The following PSD3 variants were observed in gnomAD, a reference collection of about 807,000 sequenced individuals.
PSD3 encodes pleckstrin and Sec7 domain containing 3.
PSD3 carries 49 observed loss-of-function variants against 105.5 expected under a neutral mutation model. The observed-to-expected ratio is 0.46, with a 90% CI of 0.37 to 0.59. PSD3 has a LOEUF of 0.59. Ranked by LOEUF, PSD3 falls within the 20% of genes least tolerant of loss-of-function variation. The probability of loss-of-function intolerance (pLI) is 0.00; values close to 1 mark genes in which losing one functional copy is unlikely to be tolerated. For missense variants in PSD3, 1,561 were observed against 1,263.8 expected (o/e 1.24, Z -3.57); for synonymous variants, 557 against 457.8 (o/e 1.22, Z -2.77).
chr8:18,629,043 A>G (rs1420836207), intron 11 of PSD3, among the ~76,000 whole-genome samples: 1 of 151,948 alleles, frequency 6.6e-6, no homozygotes, highest in Non-Finnish European at 1.5e-5. Context: ...TATTCCATAT[A>G]ATAGAAAGCA....
intron 14 of PSD3, among the ~76,000 whole-genome samples, chr8:18,559,127 G>A (rs937852421): frequency 1.3e-5 from 2 of 152,128 alleles, no homozygotes; most frequent in Non-Finnish European, 2.9e-5. Flanking sequence ...CTGAGCAAGA[G>A]TTTTTCTATA....
At chr8:18,815,551 T>C (rs574722653) in intron 4 of PSD3, among the ~76,000 whole-genome samples, 60 of 152,234 alleles carry the variant, frequency 3.9e-4, no homozygotes, top group African/African-American at 1.4e-3. Flanking sequence ...CCTCAAGTGA[T>C]CTCTCCACCT....
At chr8:18,681,898 T>A (rs185217422) in intron 9 of PSD3, among the ~76,000 whole-genome samples, 1 of 152,122 alleles carries the variant, frequency 6.6e-6, no homozygotes, top group Admixed American at 6.5e-5. Context: ...ACTAATCATC[T>A]CTTAAAAACC....
At position 18,687,784 on chromosome 8, in the gene PSD3, T is replaced by A. The variant is rs118010425; in HGVS notation, c.2173-32099A>T. Among the ~76,000 whole-genome samples, 249 of 152,234 alleles carry A rather than the reference T, an allele frequency of 1.6e-3. 4 individuals are homozygous for A. In the East Asian group the frequency reaches 0.044, roughly 27 times the overall value. ...GATATATATTTTTGCTATTTTTTTT[T>A]AAGATGGAGTCTTGCTCCATCGCCC... On this transcript the variant is annotated intron_variant, in intron 9 of 15. Coordinates refer to ENST00000327040, the MANE Select transcript of PSD3 (RefSeq NM_015310.4).
intron 2 of PSD3, among the ~76,000 whole-genome samples, chr8:18,908,714 C>G (rs184642425): frequency 3.3e-5 from 5 of 152,312 alleles, no homozygotes; most frequent in African/African-American, 1.2e-4. Context: ...GTATCATCTT[C>G]TATTTAATGG....
intron 12 of PSD3, among the ~76,000 whole-genome samples, chr8:18,591,050 T>G (rs1249207974): frequency 6.6e-6 from 1 of 152,022 alleles, no homozygotes; most frequent in Non-Finnish European, 1.5e-5. Context: ...ATAAAAATAT[T>G]GAGTAATCAA....
At chr8:19,084,355 C>G in exon 1 of PSD3, 1 of 456,280 alleles carries the variant, frequency 2.2e-6, no homozygotes, top group South Asian at 1.5e-5. Context: ...GTCTCGGCGC[C>G]TCTCCTCAGC....
At chr8:19,068,238 T>TA (rs35079791) in intron 1 of PSD3, among the ~76,000 whole-genome samples, 47,360 of 150,040 alleles carry the variant, frequency 0.32, 8,961 homozygotes, top group South Asian at 0.48. Context: ...CTGAGGATTT[T>TA]AAAAAAAAAT....
rs564034185 is a variant in PSD3 at position 18,529,840 on chromosome 8, T to G, written c.*5903A>C. The G allele has an allele frequency of 6.5e-6, 1 of 152,696 alleles. No individual in the cohort carries two copies. Among genetic ancestry groups the G allele is most frequent in the East Asian group, 1.9e-4 (1 of 5,182 alleles). The allele number at this position is 152,696 out of a possible 1,614,324, so 9.5% of individuals were successfully genotyped here. A position where few individuals can be genotyped will look rare whatever the true frequency, so the allele number is the denominator to read the frequency against. ...TGAATCAAATGGCTGTTTCTGCAGA[T>G]CACAATAATTCTTAGAAGGAAATAC... On this transcript the variant is annotated 3_prime_UTR_variant, in exon 16 of 16. Transcript: ENST00000327040.
chr8:18,750,286 T>C (rs1007747548), intron 9 of PSD3, among the ~76,000 whole-genome samples: 16 of 152,158 alleles, frequency 1.1e-4, no homozygotes, highest in Admixed American at 9.2e-4. Flanking sequence ...AGTTTGTTCC[T>C]TCTGATGTTC....
At chr8:18,665,996 C>G (rs1016430109) in intron 9 of PSD3, among the ~76,000 whole-genome samples, 1 of 152,232 alleles carries the variant, frequency 6.6e-6, no homozygotes, top group East Asian at 1.9e-4. Context: ...ATAAGCAAAA[C>G]GATGACAACT....
chr8:18,801,716 G>C (rs1810707205), intron 6 of PSD3, among the ~76,000 whole-genome samples: 1 of 152,096 alleles, frequency 6.6e-6, no homozygotes, highest in African/African-American at 2.4e-5. Flanking sequence ...TGTAATCCCA[G>C]CTACTCAGGA....
chr8:18,959,797 C>T (rs1264779675), intron 1 of PSD3, among the ~76,000 whole-genome samples: 1 of 152,186 alleles, frequency 6.6e-6, no homozygotes, highest in Non-Finnish European at 1.5e-5. Flanking sequence ...TAACACAAGG[C>T]AGAAAAGGCT....
At chr8:18,589,626 T>C (rs531789021) in intron 12 of PSD3, among the ~76,000 whole-genome samples, 4 of 152,290 alleles carry the variant, frequency 2.6e-5, no homozygotes, top group African/African-American at 9.6e-5. Flanking sequence ...TCTGGTAATA[T>C]GTAAAATGTT....
At chr8:19,008,497 A>G (rs7822383) in intron 1 of PSD3, among the ~76,000 whole-genome samples, 100,664 of 152,158 alleles carry the variant, frequency 0.66, 36,418 homozygotes, top group East Asian at 0.92. Flanking sequence ...CTAAATTTCC[A>G]CTCTCCTAGT....
intron 4 of PSD3, among the ~76,000 whole-genome samples, chr8:18,840,699 G>T (rs1488459328): frequency 1.3e-5 from 2 of 152,134 alleles, no homozygotes; most frequent in East Asian, 3.9e-4. Context: ...CAGGCAGTCT[G>T]ACTTTAGAGA....
At chr8:18,976,260 T>G (rs1241907403) in intron 1 of PSD3, among the ~76,000 whole-genome samples, 1 of 152,094 alleles carries the variant, frequency 6.6e-6, no homozygotes, top group African/African-American at 2.4e-5. Flanking sequence ...ACGAAGACAG[T>G]TCACAAAAAA....
At chr8:18,997,989 T>G (rs923820269) in intron 1 of PSD3, among the ~76,000 whole-genome samples, 2 of 152,022 alleles carry the variant, frequency 1.3e-5, no homozygotes, top group Non-Finnish European at 2.9e-5. Flanking sequence ...ATTTTTTTCT[T>G]TTTTAATTTT....
intron 15 of PSD3, among the ~76,000 whole-genome samples, chr8:18,546,842 T>A (rs1030328493): frequency 1.3e-5 from 2 of 152,126 alleles, no homozygotes; most frequent in Admixed American, 6.5e-5. Flanking sequence ...TGCTTCTTTG[T>A]GTTTGAGTTT....
Sources: gnomAD v4.1 joint callset for allele counts (sites outside exome capture counted in the v4.1 genomes callset) on GRCh38, gnomAD v4.1.1 for gene constraint, MANE v1.5 for transcripts, NCBI Gene and HGNC (gene_info 2026-07-23, HGNC 2026-07-21) for gene names.